The following CHD1 variants were observed in gnomAD, a reference collection of about 807,000 sequenced individuals.
CHD1 encodes chromodomain helicase DNA binding protein 1, also known as ATP-dependent chromatin remodeler CHD1.
Under a neutral mutation model 224.2 loss-of-function variants are expected in CHD1, and 36 were observed. The ratio of observed to expected loss-of-function variants is 0.16; its 90% CI spans 0.12 to 0.21. The LOEUF (loss-of-function observed/expected upper bound fraction) is 0.21. Among genes scored for constraint, CHD1 ranks in the 10% least tolerant of loss-of-function variants. CHD1 has a pLI of 1.00. For missense variants in CHD1, 1,378 were observed against 1,994.8 expected (o/e 0.69, Z 5.89); for synonymous variants, 668 against 658.3 (o/e 1.01, Z -0.23).
At chr5:98,866,252 G>A (rs1267226209) in intron 31 of CHD1, among the ~76,000 whole-genome samples, 1 of 152,214 alleles carries the variant, frequency 6.6e-6, no homozygotes, top group Admixed American at 6.5e-5. Context: ...TAAAATGGAA[G>A]ATAGGAGCTG....
At chr5:98,896,970 A>G (rs1228238193) in intron 11 of CHD1, among the ~76,000 whole-genome samples, 1 of 152,116 alleles carries the variant, frequency 6.6e-6, no homozygotes, top group Non-Finnish European at 1.5e-5. Context: ...TAAACTGAAT[A>G]AAAACATATT....
At chr5:98,911,484 T>C (rs1126253) in intron 2 of CHD1, among the ~76,000 whole-genome samples, 25,963 of 151,896 alleles carry the variant, frequency 0.17, 2,295 homozygotes, top group Middle Eastern at 0.33. Context: ...TAGGGGAAGT[T>C]TGCTGAGTAG....
intron 10 of CHD1, among the ~76,000 whole-genome samples, chr5:98,897,984 T>C (rs1468810854): frequency 6.6e-6 from 1 of 152,060 alleles, no homozygotes; most frequent in African/African-American, 2.4e-5. Context: ...ATAGTGATGC[T>C]CAACAAGATA....
chr5:98,874,258 T>C (rs3777006), intron 25 of CHD1, among the ~76,000 whole-genome samples: 1 of 152,198 alleles, frequency 6.6e-6, no homozygotes, highest in East Asian at 1.9e-4. Context: ...TGATCTATAT[T>C]CAGACAGTGG....
intron 2 of CHD1, among the ~76,000 whole-genome samples, chr5:98,916,288 G>A (rs1017745843): frequency 1.3e-5 from 2 of 152,028 alleles, no homozygotes; most frequent in Non-Finnish European, 2.9e-5. Flanking sequence ...GCCCACACCT[G>A]TAATCCCAGC....
chr5:98,911,130 G>GAAAAAAAA lies in CHD1; in HGVS notation c.54-6040_54-6033dup, dbSNP rs11451331. On this transcript the variant is annotated intron_variant, in intron 2 of 35. Coordinates refer to ENST00000614616, the MANE Select transcript of CHD1 (RefSeq NM_001270.4). ...TCTAACAACCTTCCTGTGCTAAAAT[G>GAAAAAAAA]AAAAAAAAAAAAAAAAATATATATA... Among the ~76,000 whole-genome samples the GAAAAAAAA allele has an allele frequency of 1.5e-3, 67 of 44,032 alleles. 1 individual carries two copies. Among genetic ancestry groups the GAAAAAAAA allele is most frequent in the African/African-American group, 1.9e-3 (17 of 8,994 alleles). The allele number at this position is 44,032 out of a possible 152,430, so 28.9% of individuals were successfully genotyped here.
Position 98,872,217 on chromosome 5 carries a change from A to G in CHD1, c.3711-16T>C. 2 of 1,593,990 alleles carry G rather than the reference A, an allele frequency of 1.3e-6. No individual in the cohort carries two copies. Among genetic ancestry groups the G allele is most frequent in the Non-Finnish European group, 1.7e-6 (2 of 1,172,662 alleles). ...GATAGTATACCTGGCATCAAAGTTAATAACTAATGATAAGTTTGTAATTGC... is the reference window on the plus strand; with the variant it reads ...GATAGTATACCTGGCATCAAAGTTAGTAACTAATGATAAGTTTGTAATTGC... On this transcript the variant is annotated splice_polypyrimidine_tract_variant and intron_variant, in intron 27 of 35. Transcript: ENST00000614616.
intron 2 of CHD1, among the ~76,000 whole-genome samples, chr5:98,923,119 T>C (rs1437169162): frequency 6.6e-6 from 1 of 152,208 alleles, no homozygotes; most frequent in Non-Finnish European, 1.5e-5. Flanking sequence ...TCTCCCTTCT[T>C]TGTAATGTCT....
intron 32 of CHD1, among the ~76,000 whole-genome samples, chr5:98,863,005 T>C (rs1221247898): frequency 6.6e-6 from 1 of 152,186 alleles, no homozygotes; most frequent in Non-Finnish European, 1.5e-5. Context: ...TGCGTGAGGA[T>C]GTTAATTTTT....
chr5:98,881,997 G>A lies in CHD1; in HGVS notation c.2845C>T (p.His949Tyr). The A allele has an allele frequency of 2.5e-6, 4 of 1,613,708 alleles. No individual in the cohort carries two copies. Among genetic ancestry groups the A allele is most frequent in the Non-Finnish European group, 2.5e-6 (3 of 1,179,828 alleles). Residue 949 changes from histidine (H) to tyrosine (Y), a missense_variant, in exon 20 of 36, where the codon CAT becomes TAT. This residue lies in a region of CHD1 where 286 missense variants were observed against 445.1 expected (regional missense o/e 0.64). Transcript: ENST00000614616. ...RMDTTGKTVL[H>Y]TGSAPSSSTP... Reference sequence around the variant, plus strand: ...CACCTTGATGGGGCAGAACCTGTATGTAGTACTGTCTTCCCAGTTGTGTCC... The same window carrying A: ...CACCTTGATGGGGCAGAACCTGTATATAGTACTGTCTTCCCAGTTGTGTCC...
At chr5:98,864,373 T>C (rs1748696891) in intron 31 of CHD1, among the ~76,000 whole-genome samples, 1 of 151,848 alleles carries the variant, frequency 6.6e-6, no homozygotes. Flanking sequence ...ATTTAGATAA[T>C]CCAACATCAT....
chr5:98,868,369 A>C (rs1749065678), intron 31 of CHD1, 126 bp downstream of exon 31: 1 of 766,254 alleles, frequency 1.3e-6, no homozygotes, highest in Non-Finnish European at 1.9e-6. Flanking sequence ...TTCAAATTTC[A>C]AATACATTGC....
At position 98,873,685 on chromosome 5, in the gene CHD1, T is replaced by C; in HGVS notation, c.3479A>G (p.Lys1160Arg). 6.2e-7 allele frequency: 1 copy of C among 1,610,094 alleles called. No homozygotes were observed. The highest frequency in any genetic ancestry group is 8.5e-7 in the Non-Finnish European group (1 of 1,178,402). ...CAGTCGTCTAAGGTCTGTTTCTGAC[T>C]TATCAACTAACTCAGCATCTCGAGC... The part of the protein sequence containing the change: ...AIARDAELVD[K>R]SETDLRRLGE... The change falls in exon 26 of 36, where the codon AAG becomes AGG. Residue 1160 changes from lysine (K) to arginine (R), a missense_variant. Physicochemically the swap from Lys to Arg is conservative, Grantham distance 26 (BLOSUM62 2). This residue lies in a region of CHD1 where 286 missense variants were observed against 445.1 expected (regional missense o/e 0.64). Transcript: ENST00000614616.
In CHD1 at chr5:98,879,257, A is replaced by C. The variant is rs1749990151; in HGVS notation, c.3237+295T>G. On this transcript the variant is annotated intron_variant, in intron 23 of 35. Transcript: ENST00000614616. ...ACCAAAGAAAAAAGAAAAGAAAAGA[A>C]AGAAAACAGCAAATTAAATCAAAAG... is the stretch of plus-strand genomic sequence containing the variant. 3.9e-5 allele frequency among the ~76,000 whole-genome samples: 6 copies of C among 152,174 alleles called. No individual in the cohort carries two copies. In the South Asian group the frequency reaches 1.2e-3, roughly 32 times the overall value.
chr5:98,910,366 TAC>T (rs1752312615), intron 2 of CHD1, among the ~76,000 whole-genome samples: 1 of 152,200 alleles, frequency 6.6e-6, no homozygotes, highest in East Asian at 1.9e-4. Flanking sequence ...TACTCACTTC[TAC>T]AGTCAAATAA....
intron 2 of CHD1, among the ~76,000 whole-genome samples, chr5:98,917,145 T>C (rs541673070): frequency 6.6e-6 from 1 of 152,278 alleles, no homozygotes; most frequent in South Asian, 2.1e-4. Context: ...TTTACTAACA[T>C]ACTTTTCCTT....
rs1753712598 is a variant in CHD1 at position 98,928,985 on chromosome 5, C to T, written c.-595G>A. 1 of 152,558 alleles carries T rather than the reference C, an allele frequency of 6.6e-6. No homozygotes were observed. Among genetic ancestry groups the T allele is most frequent in the South Asian group, 2.0e-4 (1 of 5,048 alleles). 9.5% of individuals were successfully genotyped at this position (152,558 alleles called of 1,614,324 possible). On this transcript the variant is annotated 5_prime_UTR_variant, in exon 1 of 36. Transcript: ENST00000614616. The stretch of plus-strand genomic sequence containing the variant: ...GCGACGTAAGCGCCTCTGCTCACTC[C>T]CCTTCCCGACAGAGCGCGAGGCGGG...
chr5:98,921,532 G>A lies in CHD1; in HGVS notation c.53+4802C>T, dbSNP rs547562019. Among the ~76,000 whole-genome samples the A allele has an allele frequency of 1.0e-3, 154 of 152,030 alleles. 1 individual carries two copies. Among genetic ancestry groups the A allele is most frequent in the Admixed American group, 2.6e-3 (40 of 15,270 alleles). On this transcript the variant is annotated intron_variant, in intron 2 of 35. Transcript: ENST00000614616. ...AATGATGCCAACACCGCTGGTCCAC[G>A]GACCACAACTGGTGCAACTTTTCTA...
intron 2 of CHD1, among the ~76,000 whole-genome samples, chr5:98,924,131 G>C (rs1398154739): frequency 6.6e-6 from 1 of 152,078 alleles, no homozygotes; most frequent in African/African-American, 2.4e-5. Flanking sequence ...TGGCATGCAC[G>C]CCTTTCAGGA....
Sources: allele counts gnomAD v4.1 joint callset (sites outside exome capture counted in the v4.1 genomes callset), GRCh38; gene constraint gnomAD v4.1.1; regional missense constraint gnomAD v4.1.1; transcripts MANE v1.5; gene names NCBI Gene and HGNC (gene_info 2026-07-23, HGNC 2026-07-21).